The following FNDC1 variants were observed in gnomAD, a reference collection of about 807,000 sequenced individuals.
FNDC1 encodes fibronectin type III domain containing 1, also known as fibronectin type III domain-containing protein 1.
Under a neutral mutation model 168.0 loss-of-function variants are expected in FNDC1, and 96 were observed. The observed-to-expected ratio is 0.57, with a 90% CI of 0.48 to 0.68. The LOEUF is 0.68. Among genes scored for constraint, FNDC1 ranks in the 30% least tolerant of loss-of-function variants. The pLI, the probability that FNDC1 is intolerant of heterozygous loss-of-function variation, is 0.00. For missense variants in FNDC1, 2,587 were observed against 2,482.1 expected (o/e 1.04, Z -0.90); for synonymous variants, 1,099 against 1,025.9 (o/e 1.07, Z -1.36).
chr6:159,173,370 AT>A (rs1781701190), intron 1 of FNDC1, among the ~76,000 whole-genome samples: 1 of 152,152 alleles, frequency 6.6e-6, no homozygotes, highest in Non-Finnish European at 1.5e-5. Context: ...ATGTGGCTTT[AT>A]GGGGTTTCCC....
intron 1 of FNDC1, among the ~76,000 whole-genome samples, chr6:159,175,693 C>A (rs1012728446): frequency 6.6e-6 from 1 of 152,192 alleles, no homozygotes; most frequent in African/African-American, 2.4e-5. Flanking sequence ...TGTGGGGAAG[C>A]CCCCTTTCCT....
At chr6:159,212,471 C>T (rs1469237319) in intron 4 of FNDC1, among the ~76,000 whole-genome samples, 2 of 152,032 alleles carry the variant, frequency 1.3e-5, no homozygotes, top group African/African-American at 2.4e-5. Context: ...GATGATCTAT[C>T]AAAGATGTTT....
chr6:159,245,226 G>A (rs966609625), intron 14 of FNDC1, among the ~76,000 whole-genome samples: 1 of 152,206 alleles, frequency 6.6e-6, no homozygotes, highest in Non-Finnish European at 1.5e-5. Context: ...TATAATTTAA[G>A]ATGAGATTTG....
At chr6:159,263,267 G>T (rs1261319689) in intron 19 of FNDC1, among the ~76,000 whole-genome samples, 1 of 152,112 alleles carries the variant, frequency 6.6e-6, no homozygotes, top group Non-Finnish European at 1.5e-5. Flanking sequence ...CAGAACAAAT[G>T]GTCTGTACAA....
In FNDC1 at chr6:159,251,484, T is replaced by C. The variant is rs1777264056; in HGVS notation, c.5017T>C (p.Phe1673Leu). 6.2e-7 allele frequency: 1 copy of C among 1,613,802 alleles called. No homozygotes were observed. Among genetic ancestry groups the C allele is most frequent in the African/African-American group, 1.3e-5 (1 of 74,910 alleles). ...TVVAVEGCHS[F>L]VIVDWDKATP... ...GGTGGCCGTGGAAGGTTGCCACTCA[T>C]TTGTCATTGTGGACTGGGACAAAGC... is the stretch of plus-strand genomic sequence containing the variant. Residue 1673 changes from phenylalanine (F) to leucine (L), a missense_variant, in exon 17 of 23, where the codon TTT becomes CTT. Phe to Leu is a conservative substitution (Grantham distance 22). Coordinates refer to ENST00000297267, the MANE Select transcript of FNDC1 (RefSeq NM_032532.3).
intron 19 of FNDC1, 137 bp from the exon 20 acceptor site, chr6:159,264,838 A>G: frequency 1.6e-6 from 1 of 641,328 alleles, no homozygotes; most frequent in Non-Finnish European, 2.6e-6. Flanking sequence ...AAAACCAAGG[A>G]AAACGTTGGC....
At chr6:159,176,224 G>GC (rs1362827064) in intron 1 of FNDC1, among the ~76,000 whole-genome samples, 2 of 152,130 alleles carry the variant, frequency 1.3e-5, no homozygotes, top group Admixed American at 1.3e-4. Context: ...ATTGTGAAGG[G>GC]CCCCCCAGCT....
At chr6:159,189,749 T>C (rs868863620) in intron 1 of FNDC1, among the ~76,000 whole-genome samples, 2 of 152,238 alleles carry the variant, frequency 1.3e-5, no homozygotes, top group Admixed American at 6.5e-5. Flanking sequence ...TTTTGAGCTA[T>C]AAGACAAAGA....
At chr6:159,170,261 A>C (rs1781625485) in intron 1 of FNDC1, among the ~76,000 whole-genome samples, 1 of 152,114 alleles carries the variant, frequency 6.6e-6, no homozygotes, top group South Asian at 2.1e-4. Context: ...TCCAGGCGGC[A>C]GGAGGCCCGC....
In FNDC1 at chr6:159,267,858, T is replaced by A; in HGVS notation, c.5501T>A (p.Phe1834Tyr). The change falls in exon 22 of 23, where the codon TTT becomes TAT. Residue 1834 changes from phenylalanine to tyrosine, a missense_variant. Transcript: ENST00000297267. ...GGAAGAGGTGAAGACCATTGCCAATTTGTGGATTCACACCTTGATGGAAGA... is the reference window on the plus strand; with the variant it reads ...GGAAGAGGTGAAGACCATTGCCAATATGTGGATTCACACCTTGATGGAAGA... ...SWGRGEDHCQ[F>Y]VDSHLDGRTG... The A allele has an allele frequency of 6.2e-7, 1 of 1,613,628 alleles. No homozygotes were observed. The highest frequency in any genetic ancestry group is 8.5e-7 in the Non-Finnish European group (1 of 1,179,746).
At chr6:159,230,034 C>T (rs750263583) in intron 10 of FNDC1, 31 bp downstream of exon 10, 2 of 1,576,910 alleles carry the variant, frequency 1.3e-6, no homozygotes, top group Non-Finnish European at 1.7e-6. Flanking sequence ...GCTGTCTTCT[C>T]TCTCTCTTCA....
chr6:159,186,199 C>T (rs1781995148), intron 1 of FNDC1, among the ~76,000 whole-genome samples: 1 of 151,680 alleles, frequency 6.6e-6, no homozygotes, highest in South Asian at 2.1e-4. Context: ...TAGATCTTTT[C>T]CAAGTTGGCG....
rs773819167 is a variant in FNDC1 at position 159,238,638 on chromosome 6, C to T, written c.4153C>T (p.Leu1385=). Residue 1385 remains leucine (L), a synonymous_variant, in exon 13 of 23, where the codon CTA becomes TTA. Coordinates refer to ENST00000297267, the MANE Select transcript of FNDC1 (RefSeq NM_032532.3). ...DSHGNPLRIK[L]GGDGRTIVDL... ...ACATGGAAATCCTCTTCGGATTAAA[C>T]TAGGAGGAGATGGTCGAACCATTGT... 1.9e-6 allele frequency: 3 copies of T among 1,608,060 alleles called. No individual in the cohort carries two copies. Among genetic ancestry groups the T allele is most frequent in the Non-Finnish European group, 2.5e-6 (3 of 1,177,178 alleles).
At chr6:159,246,528 G>C (rs574968259) in intron 14 of FNDC1, among the ~76,000 whole-genome samples, 18 of 152,228 alleles carry the variant, frequency 1.2e-4, no homozygotes, top group Non-Finnish European at 2.2e-4. Context: ...GCCTGCTGTG[G>C]CATGAGGGGC....
In FNDC1 at chr6:159,198,336, C is replaced by A. The variant is rs375148239; in HGVS notation, c.304+711C>A. 4.9e-4 allele frequency among the ~76,000 whole-genome samples: 74 copies of A among 152,302 alleles called. 2 individuals are homozygous for A. In the South Asian group the frequency reaches 8.9e-3, roughly 18 times the overall value. On this transcript the variant is annotated intron_variant, in intron 2 of 22. Coordinates refer to ENST00000297267, the MANE Select transcript of FNDC1 (RefSeq NM_032532.3). ...AGTCAGCATTTAGGAAACAGGTCTC[C>A]TCTTGTGCCACCTTAGCACTTTGAT...
intron 1 of FNDC1, among the ~76,000 whole-genome samples, chr6:159,194,864 G>A (rs1226970366): frequency 6.6e-6 from 1 of 152,066 alleles, no homozygotes; most frequent in Non-Finnish European, 1.5e-5. Context: ...TTTTATCTGG[G>A]TCTCCTGTTT....
Position 159,221,662 on chromosome 6 carries a change from C to T in FNDC1, c.732C>T (p.Val244=). ...SMNSQGRSQP[V]YRAALTKRKI... Reference sequence around the variant, plus strand: ...ACTCTCAGGGCCGGAGCCAACCAGTCTACAGGGCTGCCCTAACAAAGCGAA... The same window carrying T: ...ACTCTCAGGGCCGGAGCCAACCAGTTTACAGGGCTGCCCTAACAAAGCGAA... The change falls in exon 6 of 23, where the codon GTC becomes GTT. Residue 244 remains valine, a synonymous_variant. Coordinates refer to ENST00000297267, the MANE Select transcript of FNDC1 (RefSeq NM_032532.3). 15 of 1,614,014 alleles carry T rather than the reference C, an allele frequency of 9.3e-6. No individual in the cohort carries two copies. Among genetic ancestry groups the T allele is most frequent in the Non-Finnish European group, 1.3e-5 (15 of 1,179,880 alleles).
intron 19 of FNDC1, 55 bp from the exon 20 acceptor site, chr6:159,264,920 A>T: frequency 6.8e-7 from 1 of 1,468,690 alleles, no homozygotes; most frequent in East Asian, 2.3e-5. Context: ...CATTTAAAGA[A>T]TTGCATGATT....
intron 11 of FNDC1, among the ~76,000 whole-genome samples, chr6:159,235,654 A>T (rs377193557): frequency 6.6e-6 from 1 of 152,310 alleles, no homozygotes. Context: ...GACAGAAACA[A>T]CAAGTGTAAG....
Sources: gnomAD v4.1 joint callset for allele counts (sites outside exome capture counted in the v4.1 genomes callset) on GRCh38, gnomAD v4.1.1 for gene constraint, MANE v1.5 for transcripts, NCBI Gene and HGNC (gene_info 2026-07-23, HGNC 2026-07-21) for gene names.